Variants in UBE3D observed in about 807,000 individuals in gnomAD.
The protein encoded by UBE3D is E3 ubiquitin-protein ligase E3D.
UBE3D carries 48 observed loss-of-function variants against 49.6 expected under a neutral mutation model. That is an observed-to-expected ratio of 0.97 (90% CI 0.77 to 1.23). The LOEUF (loss-of-function observed/expected upper bound fraction) is 1.23, where lower values mean the gene tolerates loss of function less well. Among genes scored for constraint, UBE3D ranks in the 50% most tolerant of loss-of-function variants. UBE3D has a pLI of 0.00. For missense variants in UBE3D, 452 were observed against 468.4 expected, an observed-to-expected ratio of 0.96 and a Z score of 0.32; for synonymous variants, 189 against 174.2, an observed-to-expected ratio of 1.08 and a Z score of -0.67.
intron 5 of UBE3D, among the ~76,000 whole-genome samples, chr6:83,033,882 C>A (rs1782054491): frequency 6.6e-6 from 1 of 152,194 alleles, no homozygotes; most frequent in African/African-American, 2.4e-5. Context: ...CTAAACCAAA[C>A]CCACCATGTA....
chr6:83,065,590 C>A, intron 1 of UBE3D, 52 bp downstream of exon 1: 1 of 1,580,312 alleles, frequency 6.3e-7, no homozygotes, highest in South Asian at 1.1e-5. Context: ...CCCCCGACCC[C>A]CGGGCAGCAG....
At chr6:83,040,399 C>CTA (rs1315225843) in intron 4 of UBE3D, among the ~76,000 whole-genome samples, 25 of 96,564 alleles carry the variant, frequency 2.6e-4, no homozygotes, top group Non-Finnish European at 1.6e-4. Context: ...CTCTCTCTCT[C>CTA]TCTCTATATA....
At chr6:82,947,524 C>A (rs1314696615) in intron 9 of UBE3D, among the ~76,000 whole-genome samples, 2 of 151,446 alleles carry the variant, frequency 1.3e-5, no homozygotes, top group African/African-American at 2.4e-5. Flanking sequence ...CTTTTCTTTT[C>A]TTTTCTTTTT....
chr6:82,942,760 A>G (rs1775106200), intron 9 of UBE3D, among the ~76,000 whole-genome samples: 2 of 152,250 alleles, frequency 1.3e-5, no homozygotes, highest in South Asian at 4.1e-4. Flanking sequence ...AAATGCCTGG[A>G]TGTCCAGGCA....
the UBE3D span, among the ~76,000 whole-genome samples, chr6:82,886,890 T>C: frequency 3.3e-5 from 5 of 152,250 alleles, no homozygotes; most frequent in Non-Finnish European, 2.9e-5. Context: ...TTCAATTCTT[T>C]TGTTACATTA....
intron 3 of UBE3D, among the ~76,000 whole-genome samples, chr6:83,048,525 A>T (rs1783236293): frequency 6.6e-6 from 1 of 152,216 alleles, no homozygotes; most frequent in Non-Finnish European, 1.5e-5. Context: ...CCCCTACATG[A>T]TCAGGGAAAT....
intron 8 of UBE3D, among the ~76,000 whole-genome samples, chr6:82,959,037 C>T (rs1197498070): frequency 6.6e-6 from 1 of 152,068 alleles, no homozygotes; most frequent in African/African-American, 2.4e-5. Flanking sequence ...CTGCAGTCTC[C>T]AATTCCAAGT....
intron 8 of UBE3D, among the ~76,000 whole-genome samples, chr6:82,978,501 T>C (rs16879535): frequency 6.6e-6 from 1 of 152,242 alleles, no homozygotes; most frequent in South Asian, 2.1e-4. Flanking sequence ...TAAATAACCT[T>C]AAATCCCAAA....
chr6:83,058,084 G>A (rs1233424918), intron 1 of UBE3D, 62 bp from the exon 2 acceptor site: 3 of 1,547,872 alleles, frequency 1.9e-6, no homozygotes, highest in African/African-American at 2.7e-5. Context: ...CATGATGAAA[G>A]AAACAAAAAT....
At chr6:82,999,305 C>T (rs1449545985) in intron 8 of UBE3D, among the ~76,000 whole-genome samples, 1 of 152,154 alleles carries the variant, frequency 6.6e-6, no homozygotes, top group African/African-American at 2.4e-5. Flanking sequence ...CAGACCTTTC[C>T]ATCTTGTCCT....
At chr6:82,935,151 G>T (rs1307830343) in intron 9 of UBE3D, among the ~76,000 whole-genome samples, 5 of 150,984 alleles carry the variant, frequency 3.3e-5, no homozygotes. Flanking sequence ...GGCTTCTAGG[G>T]AGTCTTCAGG....
In UBE3D at chr6:82,949,835, G is replaced by A. The variant is rs146860560; in HGVS notation, c.1149+7477C>T. On this transcript the variant is annotated intron_variant, in intron 9 of 9. Transcript: ENST00000369747. ...TATGCAGAAGAATGAAACTAGACCC[G>A]TATCTCTAACCATATACAAAAATCA... is the stretch of plus-strand genomic sequence containing the variant. Among the ~76,000 whole-genome samples the A allele has an allele frequency of 5.9e-3, 899 of 152,130 alleles. 12 individuals carry two copies. The highest frequency in any genetic ancestry group is 0.02 in the African/African-American group (839 of 41,546).
intron 9 of UBE3D, among the ~76,000 whole-genome samples, chr6:82,912,460 C>T (rs1211816334): frequency 1.3e-5 from 2 of 151,082 alleles, no homozygotes; most frequent in South Asian, 2.1e-4. Flanking sequence ...TTTTTTTAAT[C>T]AAGGCTTTGT....
chr6:83,003,065 T>C (rs1582607397), intron 8 of UBE3D, among the ~76,000 whole-genome samples: 1 of 152,200 alleles, frequency 6.6e-6, no homozygotes, highest in Non-Finnish European at 1.5e-5. Context: ...ATTAATACAG[T>C]AGCAAGTATA....
chr6:83,052,187 G>T (rs1366945237), intron 3 of UBE3D, among the ~76,000 whole-genome samples: 1 of 152,114 alleles, frequency 6.6e-6, no homozygotes, highest in Non-Finnish European at 1.5e-5. Context: ...AAGAATTGAG[G>T]CACAGAATGG....
intron 9 of UBE3D, among the ~76,000 whole-genome samples, chr6:82,924,229 G>C: frequency 6.6e-6 from 1 of 152,038 alleles, no homozygotes; most frequent in Non-Finnish European, 1.5e-5. Context: ...ACAAAACCCA[G>C]ATATAGCCAT....
the UBE3D span, among the ~76,000 whole-genome samples, chr6:82,886,565 A>G: frequency 6.6e-6 from 1 of 152,226 alleles, no homozygotes; most frequent in Non-Finnish European, 1.5e-5. Context: ...AAGGGAAAAA[A>G]GTAAACACAA....
At chr6:83,041,215 T>A (rs527702141) in intron 4 of UBE3D, among the ~76,000 whole-genome samples, 115 of 152,354 alleles carry the variant, frequency 7.5e-4, no homozygotes, top group Middle Eastern at 3.4e-3. Flanking sequence ...TGATATGTAC[T>A]TCCTTTGTAA....
chr6:82,989,354 CCT>C (rs1778731207), intron 8 of UBE3D, among the ~76,000 whole-genome samples: 1 of 151,934 alleles, frequency 6.6e-6, no homozygotes, highest in Non-Finnish European at 1.5e-5. Flanking sequence ...GTGTTACTTA[CCT>C]GGGGACAGTT....
Sources: gnomAD v4.1 joint callset for allele counts (sites outside exome capture counted in the v4.1 genomes callset) on GRCh38, gnomAD v4.1.1 for gene constraint, MANE v1.5 for transcripts, NCBI Gene and HGNC (gene_info 2026-07-23, HGNC 2026-07-21) for gene names.